ADAMTS17: variants seen among roughly 807,000 people sequenced by gnomAD.
The protein encoded by ADAMTS17 is A disintegrin and metalloproteinase with thrombospondin motifs 17.
In ADAMTS17, 113 loss-of-function variants were observed where a neutral mutation model predicts 141.5. That is an observed-to-expected ratio of 0.80 (90% CI 0.69 to 0.93). The LOEUF is 0.93. ADAMTS17 is among the 40% of genes least tolerant of loss of function. The pLI is 0.00. For synonymous variants in ADAMTS17, 768 were observed against 630.6 expected, an observed-to-expected ratio of 1.22 and a Z score of -3.27; for missense variants, 1,659 against 1,517.9, an observed-to-expected ratio of 1.09 and a Z score of -1.54.
At chr15:100,313,139 C>G (rs1352495972) in intron 3 of ADAMTS17, among the ~76,000 whole-genome samples, 4 of 152,038 alleles carry the variant, frequency 2.6e-5, no homozygotes, top group African/African-American at 9.7e-5. Flanking sequence ...TTTCAGAGCA[C>G]CAAAAATAAA....
chr15:99,992,439 G>A (rs1160400856), intron 20 of ADAMTS17, among the ~76,000 whole-genome samples: 1 of 152,162 alleles, frequency 6.6e-6, no homozygotes, highest in African/African-American at 2.4e-5. Flanking sequence ...GGCTCACCTT[G>A]GTCCCCAGAA....
At chr15:100,277,239 C>T (rs1006700937) in intron 4 of ADAMTS17, among the ~76,000 whole-genome samples, 4 of 152,054 alleles carry the variant, frequency 2.6e-5, no homozygotes, top group African/African-American at 9.7e-5. Flanking sequence ...GCCCCGGGCT[C>T]TTGAGCCACC....
Position 100,053,996 on chromosome 15 carries a change from T to C in ADAMTS17, c.2196A>G (p.Gly732=), listed in dbSNP as rs748195806. The change falls in exon 16 of 22, where the codon GGA becomes GGG. Residue 732 remains glycine (G), a synonymous_variant. Coordinates refer to ENST00000268070, the MANE Select transcript of ADAMTS17 (RefSeq NM_139057.4). ...INSDWKIELP[G]EFQIAGTTVR... is the part of the protein sequence containing the mutation. ...CAGTTGTGCCTGCAATCTGGAACTCTCCGGGGAGCTCTATCTTCCAGTCAC... is the reference window on the plus strand; with the variant it reads ...CAGTTGTGCCTGCAATCTGGAACTCCCCGGGGAGCTCTATCTTCCAGTCAC... 4.6e-5 allele frequency: 74 copies of C among 1,614,014 alleles called. No individual in the cohort carries two copies. The highest frequency in any genetic ancestry group is 1.0e-4 in the Admixed American group (6 of 59,998).
At chr15:100,187,367 G>T (rs1234809994) in intron 8 of ADAMTS17, among the ~76,000 whole-genome samples, 1 of 152,106 alleles carries the variant, frequency 6.6e-6, no homozygotes, top group Admixed American at 6.5e-5. Flanking sequence ...TCCTTCCTGA[G>T]CCACCTTTCA....
intron 6 of ADAMTS17, among the ~76,000 whole-genome samples, chr15:100,254,734 T>A (rs906508757): frequency 6.6e-6 from 1 of 151,896 alleles, no homozygotes; most frequent in African/African-American, 2.4e-5. Flanking sequence ...CTCAGAAAAC[T>A]AATGCAGAAA....
chr15:100,293,936 G>A (rs1297157030), intron 3 of ADAMTS17, among the ~76,000 whole-genome samples: 1 of 152,120 alleles, frequency 6.6e-6, no homozygotes, highest in Admixed American at 6.5e-5. Context: ...AAAAGGGAGG[G>A]GGCAACACTA....
chr15:100,198,425 T>A (rs184173758), intron 8 of ADAMTS17, among the ~76,000 whole-genome samples: 22 of 152,350 alleles, frequency 1.4e-4, no homozygotes, highest in Admixed American at 5.2e-4. Flanking sequence ...ATTCCAGGCA[T>A]CTTACTGTGT....
intron 7 of ADAMTS17, among the ~76,000 whole-genome samples, chr15:100,238,825 C>T (rs896078247): frequency 3.3e-5 from 5 of 152,202 alleles, no homozygotes; most frequent in African/African-American, 1.2e-4. Context: ...TGGCTCACAC[C>T]TGTAATTCCA....
intron 18 of ADAMTS17, among the ~76,000 whole-genome samples, chr15:100,011,611 C>T (rs540437172): frequency 7.9e-5 from 12 of 152,228 alleles, no homozygotes. Context: ...GTTCTAAGCA[C>T]TTTATATGAT....
At chr15:100,000,790 G>C (rs2060905885) in intron 18 of ADAMTS17, among the ~76,000 whole-genome samples, 1 of 152,196 alleles carries the variant, frequency 6.6e-6, no homozygotes, top group Non-Finnish European at 1.5e-5. Context: ...TGGGATTACA[G>C]GTGTGAGCCA....
intron 10 of ADAMTS17, among the ~76,000 whole-genome samples, chr15:100,147,819 AAACTTAGTGGCTTAAAAC>A (rs1210055925): frequency 6.6e-6 from 1 of 152,258 alleles, no homozygotes; most frequent in East Asian, 1.9e-4. Context: ...CTGCTACTAC[AAACTTAGTGGCTTAAAAC>A]AACACAATTC....
At chr15:100,254,293 C>G (rs76121786) in intron 6 of ADAMTS17, 114 bp from the exon 7 acceptor site, 3 of 929,584 alleles carry the variant, frequency 3.2e-6, no homozygotes, top group Non-Finnish European at 3.4e-6. Context: ...TTCCAGTGGA[C>G]ACAGGCCACA....
chr15:100,276,589 G>A (rs2044104528), intron 4 of ADAMTS17, among the ~76,000 whole-genome samples: 2 of 152,106 alleles, frequency 1.3e-5, no homozygotes, highest in Non-Finnish European at 2.9e-5. Flanking sequence ...AGAGAAATGT[G>A]TTGGAATGAA....
intron 5 of ADAMTS17, 139 bp from the exon 6 acceptor site, chr15:100,261,775 G>C (rs1869106344): frequency 2.1e-6 from 2 of 957,292 alleles, no homozygotes; most frequent in Non-Finnish European, 3.2e-6. Flanking sequence ...TCGAAGAAAA[G>C]CCTGATGCTA....
rs1233814748 is a variant in ADAMTS17, at chr15:100,096,419, A to G, written c.2074T>C (p.Cys692Arg). 6 of 1,614,196 alleles carry G rather than the reference A, an allele frequency of 3.7e-6. No individual in the cohort carries two copies. The highest frequency in any genetic ancestry group is 4.2e-6 in the Non-Finnish European group (5 of 1,180,042). Residue 692 changes from cysteine to arginine, a missense_variant, in exon 15 of 22, where the codon TGC becomes CGC. Transcript: ENST00000268070. The part of the protein sequence containing the change: ...SAAKEDRCGV[C>R]SGDGKTCHLV... ...TGGCAGGTCTTGCCGTCCCCGCTGC[A>G]GACCCCGCATCTGTCCTCTTTGGCT...
At chr15:100,062,446 T>C (rs2033196775) in intron 15 of ADAMTS17, among the ~76,000 whole-genome samples, 1 of 152,182 alleles carries the variant, frequency 6.6e-6, no homozygotes, top group Non-Finnish European at 1.5e-5. Context: ...CATCTTAGCG[T>C]CAAAGCATTT....
At chr15:100,142,409 G>C (rs2038701500) in intron 10 of ADAMTS17, among the ~76,000 whole-genome samples, 2 of 152,288 alleles carry the variant, frequency 1.3e-5, no homozygotes, top group African/African-American at 2.4e-5. Flanking sequence ...ACAGCACAGG[G>C]AAAGATATGG....
intron 15 of ADAMTS17, among the ~76,000 whole-genome samples, chr15:100,090,708 C>T (rs1261385947): frequency 6.6e-6 from 1 of 152,102 alleles, no homozygotes; most frequent in Non-Finnish European, 1.5e-5. Flanking sequence ...TTTCTCTGTT[C>T]ATGATAAAAA....
At chr15:100,158,730 G>A (rs1051619724) in intron 8 of ADAMTS17, among the ~76,000 whole-genome samples, 3 of 152,048 alleles carry the variant, frequency 2.0e-5, no homozygotes, top group Non-Finnish European at 2.9e-5. Flanking sequence ...ATAAAGTAAC[G>A]GATTAAGTTT....
Sources: gnomAD v4.1 joint callset for allele counts (sites outside exome capture counted in the v4.1 genomes callset) on GRCh38, gnomAD v4.1.1 for gene constraint, MANE v1.5 for transcripts, NCBI Gene and HGNC (gene_info 2026-07-23, HGNC 2026-07-21) for gene names.